The following KIF7 variants were observed in gnomAD, a reference collection of about 807,000 sequenced individuals.
KIF7 encodes kinesin family member 7, also known as kinesin-like protein KIF7.
KIF7 carries 104 observed loss-of-function variants against 135.7 expected under a neutral mutation model. The ratio of observed to expected loss-of-function variants is 0.77; its 90% CI spans 0.65 to 0.90. KIF7 has a LOEUF of 0.90. Ranked by LOEUF, KIF7 falls within the 40% of genes least tolerant of loss-of-function variation. The pLI is 0.00. For synonymous variants in KIF7, 883 were observed against 809.4 expected (o/e 1.09, Z -1.54); for missense variants, 2,005 against 1,839.1 (o/e 1.09, Z -1.65).
chr15:89,649,373 G>C lies in KIF7; in HGVS notation c.530-6C>G. On this transcript the variant is annotated splice_region_variant and splice_polypyrimidine_tract_variant and intron_variant, in intron 3 of 18. Transcript: ENST00000394412. ...CTCCTTCACCCCGCACAGCACTGCGGGCACAGAAGGCCGTGAGCCCCAGGG... is the reference window on the plus strand; with the variant it reads ...CTCCTTCACCCCGCACAGCACTGCGCGCACAGAAGGCCGTGAGCCCCAGGG... The C allele has an allele frequency of 1.4e-6, 2 of 1,450,734 alleles. No individual in the cohort carries two copies. Among genetic ancestry groups the C allele is most frequent in the South Asian group, 2.9e-5 (2 of 67,926 alleles). The allele number at this position is 1,450,734 out of a possible 1,614,324, so 89.9% of individuals were successfully genotyped here.
At position 89,649,302 on chromosome 15, in the gene KIF7, C is replaced by A; in HGVS notation, c.595G>T (p.Gly199Cys). ...LDEVLSLLEM[G>C]NAARHTGATH... ...GCTCCCGTGTGCCGCGCCGCGTTGC[C>A]CATCTCCAGGAGGCTCAGCACCTCA... Residue 199 changes from glycine to cysteine, a missense_variant, in exon 4 of 19, where the codon GGC (glycine) becomes TGC (cysteine). Physicochemically the swap from Gly to Cys is radical, Grantham distance 159 (BLOSUM62 -3). Coordinates refer to ENST00000394412, the MANE Select transcript of KIF7 (RefSeq NM_198525.3). The A allele has an allele frequency of 1.3e-6, 2 of 1,493,236 alleles. 1 individual carries two copies. Among genetic ancestry groups the A allele is most frequent in the African/African-American group, 2.8e-5 (2 of 71,746 alleles). The allele number at this position is 1,493,236 out of a possible 1,614,324, so 92.5% of individuals were successfully genotyped here.
chr15:89,629,888 C>A (rs1421214866), intron 16 of KIF7: 2 of 530,066 alleles, frequency 3.8e-6, no homozygotes, highest in African/African-American at 3.8e-5. Context: ...ACATCTGGGA[C>A]CAGATAATTC....
intron 10 of KIF7, among the ~76,000 whole-genome samples, chr15:89,644,143 T>C (rs1356194802): frequency 4.6e-5 from 7 of 152,146 alleles, no homozygotes. Flanking sequence ...ACTCGTCTCA[T>C]GTCTGGTTGA....
chr15:89,624,461 G>A (rs144917314), downstream of KIF7: 2,586 of 1,614,140 alleles, frequency 1.6e-3, 10 homozygotes, highest in Non-Finnish European at 1.2e-3. Context: ...GTTGGGAAAC[G>A]GTGTAGAAAG....
chr15:89,637,828 G>C (rs937978880), intron 11 of KIF7, among the ~76,000 whole-genome samples: 12 of 134,380 alleles, frequency 8.9e-5, no homozygotes, highest in African/African-American at 2.8e-4. Context: ...TATGAGGCCA[G>C]CATCATCCTG....
At chr15:89,647,475 C>T in intron 6 of KIF7, 121 bp downstream of exon 6, 1 of 866,962 alleles carries the variant, frequency 1.2e-6, no homozygotes, top group Admixed American at 1.9e-5. Context: ...CACCTCCTGA[C>T]TCTACACCCC....
intron 3 of KIF7, 53 bp downstream of exon 3, chr15:89,649,688 G>A: frequency 1.3e-6 from 2 of 1,526,470 alleles, no homozygotes; most frequent in Middle Eastern, 1.7e-4. Flanking sequence ...CTCCAAACAG[G>A]TGAAGCCCCC....
At chr15:89,648,916 C>G (rs1964072041) in intron 4 of KIF7, 58 bp downstream of exon 4, 1 of 1,479,402 alleles carries the variant, frequency 6.8e-7, no homozygotes, top group African/African-American at 1.4e-5. Context: ...CACTGGTGTG[C>G]TGGACACTCC....
At chr15:89,622,893 C>A (rs767811475) in intron 1 of KIF7, among the ~76,000 whole-genome samples, 15 of 152,216 alleles carry the variant, frequency 9.9e-5, no homozygotes, top group Non-Finnish European at 2.2e-4. Flanking sequence ...GGCAGCCCTT[C>A]TTTGTGTTCT....
chr15:89,646,924 G>C lies in KIF7; in HGVS notation c.1694C>G (p.Thr565Arg). The change falls in exon 7 of 19, where the codon ACA becomes AGA. Residue 565 changes from threonine to arginine, a missense_variant. Transcript: ENST00000394412. ...GGCGTGGGCACCCCCCAGGGGGGCT[G>C]TATGAGGTCGAGGCACAAAGGACCC... ...PPGSFVPRPH[T>R]APLGGAHAHV... 1 of 1,614,014 alleles carries C rather than the reference G, an allele frequency of 6.2e-7. No individual in the cohort carries two copies. The highest frequency in any genetic ancestry group is 8.5e-7 in the Non-Finnish European group (1 of 1,179,984).
chr15:89,662,288 G>A, the KIF7 span, among the ~76,000 whole-genome samples: 1 of 152,088 alleles, frequency 6.6e-6, no homozygotes. Context: ...CTTGAAGTCA[G>A]GAGTTCGAGA....
chr15:89,650,544 C>A (rs1480360122), intron 2 of KIF7, among the ~76,000 whole-genome samples: 2 of 152,162 alleles, frequency 1.3e-5, no homozygotes, highest in Non-Finnish European at 2.9e-5. Flanking sequence ...TAGGCATCTG[C>A]CACCATGCCC....
chr15:89,618,043 T>C, exon 2 of KIF7: 1 of 1,143,988 alleles, frequency 8.7e-7, no homozygotes, highest in East Asian at 2.4e-5. Flanking sequence ...ACTGGTGTTA[T>C]CAGACCCTGT....
At chr15:89,640,153 G>T (rs1160321780) in intron 11 of KIF7, among the ~76,000 whole-genome samples, 1 of 150,996 alleles carries the variant, frequency 6.6e-6, no homozygotes, top group East Asian at 2.0e-4. Flanking sequence ...GGGGTGGGGG[G>T]AGTGGGGAGG....
upstream of KIF7, among the ~76,000 whole-genome samples, chr15:89,660,059 G>A (rs1412802501): frequency 5.9e-5 from 9 of 152,130 alleles, no homozygotes; most frequent in Non-Finnish European, 1.0e-4. Context: ...TTAGCCTGGC[G>A]TGGTGGCGAG....
chr15:89,619,792 C>T lies in KIF7; in HGVS notation c.181-1597G>A, dbSNP rs771471430. 22 of 1,613,626 alleles carry T rather than the reference C, an allele frequency of 1.4e-5. No individual in the cohort carries two copies. Among genetic ancestry groups the T allele is most frequent in the Middle Eastern group, 3.3e-4 (2 of 6,080 alleles). ...GCCTCCTTCTATTCTGTGTCTCAGC[C>T]GAAGTCTCGAAGTGTGCAAAGAGTC... On this transcript the variant is annotated intron_variant and NMD_transcript_variant, in intron 1 of 2. Transcript: ENST00000558928.
chr15:89,653,971 G>A (rs967827645), intron 1 of KIF7, among the ~76,000 whole-genome samples: 1 of 152,106 alleles, frequency 6.6e-6, no homozygotes, highest in African/African-American at 2.4e-5. Flanking sequence ...GCTCTCCACT[G>A]CCCTTGGGAT....
At chr15:89,627,792 C>T (rs1298766345), downstream of KIF7, 1 of 152,424 alleles carries the variant, frequency 6.6e-6, no homozygotes, top group Non-Finnish European at 1.5e-5. Flanking sequence ...GAGTGCCCCA[C>T]AGGAGTGCCC....
downstream of KIF7, chr15:89,625,426 G>A (rs561088196): frequency 1.8e-5 from 29 of 1,613,974 alleles, 1 homozygote; most frequent in South Asian, 2.0e-4. Context: ...GGGCGAGGTC[G>A]GTGCAGACCT....
Sources: allele counts gnomAD v4.1 joint callset (sites outside exome capture counted in the v4.1 genomes callset), GRCh38; gene constraint gnomAD v4.1.1; transcripts MANE v1.5; gene names NCBI Gene and HGNC (gene_info 2026-07-23, HGNC 2026-07-21).